OSBP2: variants seen among roughly 807,000 people sequenced by gnomAD.
The protein encoded by OSBP2 is oxysterol-binding protein 2.
In OSBP2, 66 loss-of-function variants were observed where a neutral mutation model predicts 96.0. The observed-to-expected ratio is 0.69, with a 90% CI of 0.56 to 0.84. OSBP2 has a LOEUF of 0.84. Ranked by LOEUF, OSBP2 falls within the 40% of genes least tolerant of loss-of-function variation. OSBP2 has a pLI of 0.00. For missense variants in OSBP2, 1,038 were observed against 1,222.7 expected, an observed-to-expected ratio of 0.85 and a Z score of 2.25; for synonymous variants, 525 against 520.9, an observed-to-expected ratio of 1.01 and a Z score of -0.11.
rs901196309 is a variant in OSBP2 at position 30,890,324 on chromosome 22, A to G, written c.1624-404A>G. ...CCTAACCCATCCTGTGCCGGGCCCC[A>G]TCACAGCTCGCAACATGGGGAAGAC... On this transcript the variant is annotated intron_variant, in intron 7 of 13. Coordinates refer to ENST00000332585, the MANE Select transcript of OSBP2 (RefSeq NM_030758.4). The surrounding 1 kb of genome is among the most constrained non-coding windows in gnomAD (Gnocchi z 4.4). Among the ~76,000 whole-genome samples, 1 of 151,468 alleles carries G rather than the reference A, an allele frequency of 6.6e-6. No individual in the cohort carries two copies. Among genetic ancestry groups the G allele is most frequent in the Non-Finnish European group, 1.5e-5 (1 of 67,930 alleles).
At chr22:30,700,956 G>A (rs928685817) in intron 1 of OSBP2, among the ~76,000 whole-genome samples, 39 of 151,844 alleles carry the variant, frequency 2.6e-4, no homozygotes, top group African/African-American at 3.9e-4. Flanking sequence ...TTAGCTAGGC[G>A]TGGTGACGCA....
chr22:30,730,245 G>A (rs962875508), intron 1 of OSBP2, among the ~76,000 whole-genome samples: 11 of 152,036 alleles, frequency 7.2e-5, no homozygotes, highest in African/African-American at 2.7e-4. Context: ...TTACAGGCGC[G>A]AGCCACCGCA....
At chr22:30,831,153 ACCCTTGG>A (rs2038514347) in intron 2 of OSBP2, among the ~76,000 whole-genome samples, 1 of 152,052 alleles carries the variant, frequency 6.6e-6, no homozygotes, top group African/African-American at 2.4e-5. Context: ...CAGCCCCATC[ACCCTTGG>A]CAAGAACGTT....
chr22:30,785,981 G>C (rs1018951957), intron 2 of OSBP2, among the ~76,000 whole-genome samples: 4 of 151,920 alleles, frequency 2.6e-5, no homozygotes, highest in Non-Finnish European at 5.9e-5. Context: ...GTCTCAGGTA[G>C]TATCTTTATA....
At chr22:30,717,118 G>T (rs1221966036) in intron 1 of OSBP2, among the ~76,000 whole-genome samples, 1 of 147,630 alleles carries the variant, frequency 6.8e-6, no homozygotes, top group Non-Finnish European at 1.5e-5. Flanking sequence ...GTGTGTGTGT[G>T]TGTGTGTGTG....
intron 2 of OSBP2, among the ~76,000 whole-genome samples, chr22:30,859,313 T>G (rs2039157700): frequency 1.3e-5 from 2 of 152,364 alleles, no homozygotes; most frequent in South Asian, 2.1e-4. Context: ...AATACTCACC[T>G]TAGAACAAAG....
At chr22:30,823,125 C>G (rs1022147377) in intron 2 of OSBP2, among the ~76,000 whole-genome samples, 4 of 152,182 alleles carry the variant, frequency 2.6e-5, no homozygotes, top group African/African-American at 9.6e-5. Flanking sequence ...GGGCCTCGTC[C>G]TGGGGCCACC....
chr22:30,730,712 CCCTG>C (rs1383839948), intron 1 of OSBP2, among the ~76,000 whole-genome samples: 2 of 117,062 alleles, frequency 1.7e-5, no homozygotes, highest in African/African-American at 6.5e-5. Flanking sequence ...AGATTCGCTG[CCCTG>C]TCTCTCTCTC....
At position 30,907,140 on chromosome 22, in the gene OSBP2, G is replaced by A. The variant is rs2147206676; in HGVS notation, c.*801G>A. ...AGAGGCCAGGAAGGGCTGGAAGGCA[G>A]GGCCTGCAGGTGCTCCCCGCCCTGA... On this transcript the variant is annotated 3_prime_UTR_variant, in exon 14 of 14. Transcript: ENST00000332585. The A allele has an allele frequency of 6.5e-6, 1 of 152,808 alleles. No homozygotes were observed. Among genetic ancestry groups the A allele is most frequent in the Middle Eastern group, 3.4e-3 (1 of 296 alleles). The allele number at this position is 152,808 out of a possible 1,614,324, so 9.5% of individuals were successfully genotyped here. A position where few individuals can be genotyped will look rare whatever the true frequency, so the allele number is the denominator to read the frequency against.
At chr22:30,889,408 C>T in intron 6 of OSBP2, 82 bp from the exon 7 acceptor site, 3 of 1,550,414 alleles carry the variant, frequency 1.9e-6, no homozygotes, top group Non-Finnish European at 2.7e-6. Context: ...TGCCAGTCCT[C>T]AGGGTGGAGG....
Position 30,856,205 on chromosome 22 carries a change from A to G in OSBP2, c.854-14224A>G, listed in dbSNP as rs546295843. Among the ~76,000 whole-genome samples, 42 of 151,460 alleles carry G rather than the reference A, an allele frequency of 2.8e-4. No homozygotes were observed. The South Asian group carries it at 8.2e-3, about 30-fold the overall frequency. On this transcript the variant is annotated intron_variant, in intron 2 of 13. Transcript: ENST00000332585. ...TTCCTTCTTTGCCTCCTACCCCTAT[A>G]CCCCTTCACCCCTCCATCTCTCCAT... is the stretch of plus-strand genomic sequence containing the variant.
rs916475152 is a variant in OSBP2, at chr22:30,891,020, C to A, written c.1869+47C>A. 7.6e-6 allele frequency: 12 copies of A among 1,575,226 alleles called. No individual in the cohort carries two copies. The African/African-American group carries it at 1.6e-4, about 21-fold the overall frequency. On this transcript the variant is annotated intron_variant, in intron 8 of 13. Coordinates refer to ENST00000332585, the MANE Select transcript of OSBP2 (RefSeq NM_030758.4). ...TGGGTGGCGCCCACCCACACTCTGG[C>A]CAAGCTGTTCCTGCCAGGCCCAAGG...
chr22:30,839,356 A>G (rs984123331), intron 2 of OSBP2, among the ~76,000 whole-genome samples: 16 of 127,692 alleles, frequency 1.3e-4, no homozygotes, highest in Middle Eastern at 3.8e-3. Flanking sequence ...TCCTTTGGGT[A>G]TATACCCAGT....
intron 2 of OSBP2, among the ~76,000 whole-genome samples, chr22:30,801,499 G>A (rs1016781322): frequency 1.4e-4 from 22 of 152,186 alleles, no homozygotes; most frequent in African/African-American, 3.9e-4. Flanking sequence ...TGTAGCAGCC[G>A]TGGTCAGTGA....
chr22:30,896,059 G>A (rs144364179), intron 12 of OSBP2, among the ~76,000 whole-genome samples: 48 of 150,848 alleles, frequency 3.2e-4, no homozygotes, highest in African/African-American at 1.0e-3. Flanking sequence ...TCACTCTGTC[G>A]CCCAGGCTAG....
At chr22:30,856,170 G>A (rs1369603017) in intron 2 of OSBP2, among the ~76,000 whole-genome samples, 3 of 152,132 alleles carry the variant, frequency 2.0e-5, no homozygotes. Flanking sequence ...TCTGAGATAA[G>A]GATCTTCTTT....
chr22:30,765,498 C>T (rs1283405616), intron 2 of OSBP2, among the ~76,000 whole-genome samples: 1 of 152,122 alleles, frequency 6.6e-6, no homozygotes, highest in African/African-American at 2.4e-5. Flanking sequence ...CGTGAGCAAC[C>T]ACTCCCTACC....
At chr22:30,880,673 G>A (rs1010178482) in intron 3 of OSBP2, among the ~76,000 whole-genome samples, 31 of 152,322 alleles carry the variant, frequency 2.0e-4, no homozygotes, top group African/African-American at 6.7e-4. Context: ...GGGGACCCAG[G>A]CTAGCTGACC....
At chr22:30,709,187 T>C (rs1434904944) in intron 1 of OSBP2, among the ~76,000 whole-genome samples, 1 of 152,178 alleles carries the variant, frequency 6.6e-6, no homozygotes, top group East Asian at 1.9e-4. Context: ...TTAACAATCA[T>C]TCCTTATCAT....
Sources: allele counts gnomAD v4.1 joint callset (sites outside exome capture counted in the v4.1 genomes callset), GRCh38; gene constraint gnomAD v4.1.1; non-coding constraint Gnocchi (gnomAD v3.1); transcripts MANE v1.5; gene names NCBI Gene and HGNC (gene_info 2026-07-23, HGNC 2026-07-21).